The following KCNK13 variants were observed in gnomAD, a reference collection of about 807,000 sequenced individuals.
KCNK13 encodes potassium two pore domain channel subfamily K member 13, also known as potassium channel subfamily K member 13.
Under a neutral mutation model 23.4 loss-of-function variants are expected in KCNK13, and 12 were observed. The ratio of observed to expected loss-of-function variants is 0.51; its 90% CI spans 0.33 to 0.83. The LOEUF (loss-of-function observed/expected upper bound fraction) is 0.83, where lower values mean the gene tolerates loss of function less well. KCNK13 is among the 40% of genes least tolerant of loss of function. KCNK13 has a pLI of 0.02. For synonymous variants in KCNK13, 231 were observed against 229.5 expected, an observed-to-expected ratio of 1.01 and a Z score of -0.06; for missense variants, 463 against 556.3, an observed-to-expected ratio of 0.83 and a Z score of 1.69.
intron 1 of KCNK13, among the ~76,000 whole-genome samples, chr14:90,096,152 A>G (rs1240806788): frequency 6.6e-6 from 1 of 152,182 alleles, no homozygotes; most frequent in African/African-American, 2.4e-5. Flanking sequence ...TGGGGTTTTT[A>G]TAGAGACTTT....
rs145980243 is a variant in KCNK13 at position 90,134,726 on chromosome 14, G to C, written c.335-49385G>C. ...CTCCCACTTTACTAACAGAGAAACT[G>C]AACTGCAGAGAGACGTGTGTGATCC... On this transcript the variant is annotated intron_variant, in intron 1 of 1. Transcript: ENST00000282146. Among the ~76,000 whole-genome samples, 3 of 152,318 alleles carry C rather than the reference G, an allele frequency of 2.0e-5. No individual in the cohort carries two copies. The East Asian group carries it at 5.8e-4, about 29-fold the overall frequency.
chr14:90,150,486 T>C (rs143523206), intron 1 of KCNK13, among the ~76,000 whole-genome samples: 1 of 152,132 alleles, frequency 6.6e-6, no homozygotes, highest in African/African-American at 2.4e-5. Context: ...AAGGTAAAAT[T>C]CTCAATCTGT....
chr14:90,071,635 C>T (rs1023749945), intron 1 of KCNK13, among the ~76,000 whole-genome samples: 1 of 152,128 alleles, frequency 6.6e-6, no homozygotes, highest in African/African-American at 2.4e-5. Context: ...AATCTTTTCC[C>T]CTTAGAAGGA....
chr14:90,071,477 C>T (rs1889073266), intron 1 of KCNK13, among the ~76,000 whole-genome samples: 1 of 152,170 alleles, frequency 6.6e-6, no homozygotes, highest in Non-Finnish European at 1.5e-5. Context: ...GTCTTTCTGT[C>T]CCTCCTGGTC....
At chr14:90,120,332 C>T (rs1281329151) in intron 1 of KCNK13, among the ~76,000 whole-genome samples, 1 of 152,168 alleles carries the variant, frequency 6.6e-6, no homozygotes, top group African/African-American at 2.4e-5. Context: ...AGTCTCCCCA[C>T]AAGAGTTTAC....
chr14:90,164,749 G>A (rs1417924385), intron 1 of KCNK13, among the ~76,000 whole-genome samples: 1 of 152,102 alleles, frequency 6.6e-6, no homozygotes, highest in Admixed American at 6.5e-5. Flanking sequence ...GTATCCCTGG[G>A]CCATGCTTTA....
chr14:90,077,141 CG>C (rs1889147972), intron 1 of KCNK13, among the ~76,000 whole-genome samples: 1 of 73,044 alleles, frequency 1.4e-5, no homozygotes, highest in African/African-American at 5.9e-5. Flanking sequence ...TTTTTTTAGA[CG>C]AAGTTTCTCT....
chr14:90,165,236 G>A lies in KCNK13; in HGVS notation c.335-18875G>A, dbSNP rs543489828. 7.9e-5 allele frequency among the ~76,000 whole-genome samples: 12 copies of A among 152,258 alleles called. No homozygotes were observed. In the South Asian group the frequency reaches 2.5e-3, roughly 32 times the overall value. On this transcript the variant is annotated intron_variant, in intron 1 of 1. Coordinates refer to ENST00000282146, the MANE Select transcript of KCNK13 (RefSeq NM_022054.4). ...GGGAATTCAAGATGAGATTTGGGCG[G>A]GGACACGGCCAAACCATATCAGGGC...
intron 1 of KCNK13, among the ~76,000 whole-genome samples, chr14:90,132,083 G>A (rs1387744880): frequency 1.3e-5 from 2 of 152,224 alleles, no homozygotes; most frequent in African/African-American, 2.4e-5. Context: ...ACATACAATG[G>A]AATATCATTT....
At position 90,062,499 on chromosome 14, in the gene KCNK13, C is replaced by T; in HGVS notation, c.294C>T (p.Thr98=). The T allele has an allele frequency of 6.5e-7, 1 of 1,532,832 alleles. No homozygotes were observed. Among genetic ancestry groups the T allele is most frequent in the Non-Finnish European group, 8.8e-7 (1 of 1,139,692 alleles). 95.0% of individuals were successfully genotyped at this position (1,532,832 alleles called of 1,614,324 possible). ...VDNVRPRWDF[T]GAFYFVGTVV... is the part of the protein sequence containing the mutation. ...ACGTCCGCCCGCGCTGGGACTTCAC[C>T]GGCGCCTTCTACTTCGTGGGCACCG... Residue 98 remains threonine (T), a synonymous_variant, in exon 1 of 2, where the codon ACC becomes ACT. Transcript: ENST00000282146. This position sits in a 1 kb window ranked among gnomAD's most constrained non-coding sequence, Gnocchi z 4.5.
chr14:90,094,801 C>T (rs1383754233), intron 1 of KCNK13, among the ~76,000 whole-genome samples: 1 of 152,008 alleles, frequency 6.6e-6, no homozygotes, highest in Non-Finnish European at 1.5e-5. Flanking sequence ...GCGCCCACCA[C>T]CACGCCTGGC....
intron 1 of KCNK13, among the ~76,000 whole-genome samples, chr14:90,094,083 A>C (rs767637896): frequency 6.6e-6 from 1 of 152,106 alleles, no homozygotes; most frequent in African/African-American, 2.4e-5. Context: ...TGCTGTCTGC[A>C]TGGAACCAGG....
At chr14:90,148,711 G>C (rs2140432172) in intron 1 of KCNK13, among the ~76,000 whole-genome samples, 1 of 152,296 alleles carries the variant, frequency 6.6e-6, no homozygotes, top group East Asian at 1.9e-4. Context: ...ACCCTGCTAA[G>C]GAACGCATAT....
At chr14:90,176,276 T>A (rs1362716202) in intron 1 of KCNK13, among the ~76,000 whole-genome samples, 1 of 152,150 alleles carries the variant, frequency 6.6e-6, no homozygotes, top group Admixed American at 6.6e-5. Context: ...ACCGATAACT[T>A]GAAAAGCTTG....
At chr14:90,102,539 C>G (rs1889494314) in intron 1 of KCNK13, among the ~76,000 whole-genome samples, 1 of 152,198 alleles carries the variant, frequency 6.6e-6, no homozygotes, top group African/African-American at 2.4e-5. Context: ...TGTCTTCTCT[C>G]CTGTTGCCTT....
At chr14:90,165,428 G>A (rs1890292276) in intron 1 of KCNK13, among the ~76,000 whole-genome samples, 2 of 152,166 alleles carry the variant, frequency 1.3e-5, no homozygotes, top group African/African-American at 4.8e-5. Context: ...AAAAAGGCAG[G>A]CAGATTCAGG....
chr14:90,156,786 G>A (rs1482782762), intron 1 of KCNK13, among the ~76,000 whole-genome samples: 2 of 152,156 alleles, frequency 1.3e-5, no homozygotes, highest in African/African-American at 2.4e-5. Flanking sequence ...AGCAAGATGT[G>A]AGTCCCTGCT....
intron 1 of KCNK13, among the ~76,000 whole-genome samples, chr14:90,066,796 T>G (rs1336830588): frequency 6.6e-6 from 1 of 152,140 alleles, no homozygotes; most frequent in Non-Finnish European, 1.5e-5. Context: ...GACCCAGCAA[T>G]TCCATTTCTA....
chr14:90,141,421 C>T (rs1247733084), intron 1 of KCNK13, among the ~76,000 whole-genome samples: 1 of 152,146 alleles, frequency 6.6e-6, no homozygotes, highest in African/African-American at 2.4e-5. Flanking sequence ...ATGCATCATG[C>T]CCAAGCATCC....
Sources: allele counts gnomAD v4.1 joint callset (sites outside exome capture counted in the v4.1 genomes callset), GRCh38; gene constraint gnomAD v4.1.1; non-coding constraint Gnocchi (gnomAD v3.1); transcripts MANE v1.5; gene names NCBI Gene and HGNC (gene_info 2026-07-23, HGNC 2026-07-21).